SLC6A2: variants seen among roughly 807,000 people sequenced by gnomAD.
The protein encoded by SLC6A2 is solute carrier family 6 member 2.
Under a neutral mutation model 71.7 loss-of-function variants are expected in SLC6A2, and 26 were observed. That is an observed-to-expected ratio of 0.36 (90% confidence interval 0.27 to 0.50). SLC6A2 has a LOEUF of 0.50. SLC6A2 is among the 20% of genes least tolerant of loss of function. The pLI is 0.96. For missense variants in SLC6A2, 581 were observed against 803.9 expected, an observed-to-expected ratio of 0.72 and a Z score of 3.35; for synonymous variants, 363 against 337.9, an observed-to-expected ratio of 1.07 and a Z score of -0.82.
At chr16:55,669,942 G>T (rs1298031693) in intron 3 of SLC6A2, among the ~76,000 whole-genome samples, 3 of 152,188 alleles carry the variant, frequency 2.0e-5, no homozygotes, top group African/African-American at 4.8e-5. Context: ...AGTACCCAGA[G>T]AATCTATTTC....
intron 4 of SLC6A2, among the ~76,000 whole-genome samples, chr16:55,673,274 CA>C (rs1964979505): frequency 6.6e-6 from 1 of 152,196 alleles, no homozygotes; most frequent in Non-Finnish European, 1.5e-5. Context: ...TGCATTCCAT[CA>C]GGGGGTGGGG....
chr16:55,661,234 A>T (rs1258966712), intron 2 of SLC6A2, among the ~76,000 whole-genome samples: 4 of 152,190 alleles, frequency 2.6e-5, no homozygotes, highest in Non-Finnish European at 5.9e-5. Context: ...TAACCTTTGC[A>T]CATGGCTGCT....
chr16:55,690,921 G>T (rs9939709), intron 5 of SLC6A2, among the ~76,000 whole-genome samples: 26,271 of 151,906 alleles, frequency 0.17, 2,582 homozygotes, highest in African/African-American at 0.26. Context: ...CTGGACAAGG[G>T]GATGGGGTGT....
At chr16:55,699,019 A>G (rs1343801564) in intron 11 of SLC6A2, among the ~76,000 whole-genome samples, 4 of 152,162 alleles carry the variant, frequency 2.6e-5, no homozygotes, top group Non-Finnish European at 5.9e-5. Flanking sequence ...TTTTTCTGGC[A>G]AACTTATTCT....
rs1458117325 is a variant in SLC6A2, at chr16:55,672,092, C to T, written c.561C>T (p.Asp187=). ...CCTGGAACAGCCCCAACTGTACCGA[C>T]CCCAAGCTCCTCAATGGCTCCGTGC... ...GHTWNSPNCT[D]PKLLNGSVLG... Residue 187 remains aspartate (D), a synonymous_variant, in exon 4 of 15, where the codon GAC becomes GAT. Coordinates refer to ENST00000568943, the MANE Select transcript of SLC6A2 (RefSeq NM_001172501.3). 1.2e-6 allele frequency: 2 copies of T among 1,614,196 alleles called. No homozygotes were observed. The highest frequency in any genetic ancestry group is 1.7e-5 in the Admixed American group (1 of 60,024).
chr16:55,702,607 A>T lies in SLC6A2; in HGVS notation c.*261A>T, dbSNP rs1157752232. 5 of 1,400,810 alleles carry T rather than the reference A, an allele frequency of 3.6e-6. No individual in the cohort carries two copies. The highest frequency in any genetic ancestry group is 2.9e-5 in the Admixed American group (1 of 34,462). 86.8% of individuals were successfully genotyped at this position (1,400,810 alleles called of 1,614,324 possible). A position where few individuals can be genotyped will look rare whatever the true frequency, so the allele number is the denominator to read the frequency against. The stretch of plus-strand genomic sequence containing the variant: ...GTTCTGTCCCCGCTGTTTTGGGGGA[A>T]GTCTCTCCCACTTTGGGATCCTGCT... On this transcript the variant is annotated 3_prime_UTR_variant, in exon 15 of 15. Coordinates refer to ENST00000568943, the MANE Select transcript of SLC6A2 (RefSeq NM_001172501.3).
At position 55,700,081 on chromosome 16, in the gene SLC6A2, C is replaced by G. The variant is rs138615012; in HGVS notation, c.1591-58C>G. The G allele has an allele frequency of 1.3e-5, 20 of 1,483,758 alleles. No homozygotes were observed. In the African/African-American group the frequency reaches 2.6e-4, roughly 19 times the overall value. The allele number at this position is 1,483,758 out of a possible 1,614,324, so 91.9% of individuals were successfully genotyped here. A position where few individuals can be genotyped will look rare whatever the true frequency, so the allele number is the denominator to read the frequency against. ...TTTCTTCCACCTCCTTCTCTCTTTC[C>G]TTTCTTGTCTCTCTTCTGTCCTGTC... On this transcript the variant is annotated intron_variant, in intron 12 of 14. Transcript: ENST00000568943.
chr16:55,662,747 A>C (rs1964643454), intron 2 of SLC6A2, among the ~76,000 whole-genome samples: 1 of 152,196 alleles, frequency 6.6e-6, no homozygotes, highest in Non-Finnish European at 1.5e-5. Context: ...GTTTCCCTGA[A>C]TTCCACCCCC....
chr16:55,657,985 G>A (rs1217469931), intron 2 of SLC6A2, among the ~76,000 whole-genome samples: 7 of 152,132 alleles, frequency 4.6e-5, no homozygotes, highest in Non-Finnish European at 1.5e-5. Flanking sequence ...TTTTGAGGAA[G>A]AAATTGGAGA....
intron 4 of SLC6A2, among the ~76,000 whole-genome samples, chr16:55,677,508 C>T (rs1266260773): frequency 2.0e-5 from 3 of 152,078 alleles, no homozygotes; most frequent in Non-Finnish European, 4.4e-5. Context: ...AGACACCCAG[C>T]CAGAGGGAGA....
chr16:55,666,517 G>A (rs541900582), intron 2 of SLC6A2, among the ~76,000 whole-genome samples: 29 of 152,278 alleles, frequency 1.9e-4, no homozygotes, highest in African/African-American at 6.3e-4. Context: ...CACTGGCCGC[G>A]GGTAGCTGGC....
chr16:55,661,626 A>C (rs1190003787), intron 2 of SLC6A2, among the ~76,000 whole-genome samples: 1 of 152,234 alleles, frequency 6.6e-6, no homozygotes, highest in Non-Finnish European at 1.5e-5. Context: ...AAAGGAAATA[A>C]GGCTGGAAAA....
chr16:55,681,607 G>A (rs902505161), intron 4 of SLC6A2, among the ~76,000 whole-genome samples: 11 of 152,220 alleles, frequency 7.2e-5, no homozygotes, highest in African/African-American at 2.7e-4. Context: ...AGCATCGCTG[G>A]TGGTCTTCAG....
chr16:55,679,903 T>C (rs1965216091), intron 4 of SLC6A2, among the ~76,000 whole-genome samples: 1 of 152,196 alleles, frequency 6.6e-6, no homozygotes, highest in Admixed American at 6.5e-5. Context: ...CTTTTTCGGT[T>C]GGATGATTCT....
chr16:55,698,672 C>T, intron 11 of SLC6A2, 104 bp downstream of exon 11: 1 of 798,736 alleles, frequency 1.3e-6, no homozygotes, highest in Non-Finnish European at 2.2e-6. Context: ...ACCTAAAATT[C>T]CAGAGTCCAG....
At chr16:55,664,332 G>A (rs1337380239) in intron 2 of SLC6A2, among the ~76,000 whole-genome samples, 2 of 152,184 alleles carry the variant, frequency 1.3e-5, no homozygotes, top group Non-Finnish European at 2.9e-5. Context: ...GGCTGGCTGT[G>A]GCCTGGGGGC....
intron 11 of SLC6A2, 141 bp from the exon 12 acceptor site, chr16:55,699,413 A>G: frequency 1.4e-6 from 1 of 719,690 alleles, no homozygotes; most frequent in Non-Finnish European, 2.6e-6. Flanking sequence ...CAAAGGGCCC[A>G]TCCCCGAGTC....
At chr16:55,679,333 T>G (rs1965195273) in intron 4 of SLC6A2, among the ~76,000 whole-genome samples, 1 of 152,158 alleles carries the variant, frequency 6.6e-6, no homozygotes, top group African/African-American at 2.4e-5. Flanking sequence ...TTCAAGTGAT[T>G]CTCCTGCCTC....
intron 9 of SLC6A2, 57 bp from the exon 10 acceptor site, chr16:55,697,840 G>T (rs1597012800): frequency 1.2e-6 from 2 of 1,606,246 alleles, no homozygotes; most frequent in African/African-American, 2.7e-5. Context: ...TGGGGCCTGA[G>T]ACTGAGGTCC....
Sources: gnomAD v4.1 joint callset for allele counts (sites outside exome capture counted in the v4.1 genomes callset) on GRCh38, gnomAD v4.1.1 for gene constraint, MANE v1.5 for transcripts, NCBI Gene and HGNC (gene_info 2026-07-23, HGNC 2026-07-21) for gene names.